The following RALYL variants were observed in gnomAD, a reference collection of about 807,000 sequenced individuals.
RALYL encodes the protein RALY RNA binding protein like.
Under a neutral mutation model 35.1 loss-of-function variants are expected in RALYL, and 29 were observed. That is an observed-to-expected ratio of 0.83 (90% confidence interval 0.61 to 1.13). RALYL has a LOEUF of 1.13. Ranked by LOEUF, RALYL falls within the 50% of genes most tolerant of loss-of-function variation. The pLI, the probability that RALYL is intolerant of heterozygous loss-of-function variation, is 0.00. For missense variants in RALYL, 359 were observed against 360.4 expected (o/e 1.00, Z 0.03); for synonymous variants, 120 against 127.6 (o/e 0.94, Z 0.40).
intron 1 of RALYL, among the ~76,000 whole-genome samples, chr8:84,245,528 T>C (rs1828891252): frequency 6.6e-6 from 1 of 152,118 alleles, no homozygotes. Flanking sequence ...AGAAAATGCT[T>C]GAAAGGAGCA....
At chr8:84,245,136 A>G (rs1828806692) in intron 1 of RALYL, among the ~76,000 whole-genome samples, 1 of 152,184 alleles carries the variant, frequency 6.6e-6, no homozygotes, top group South Asian at 2.1e-4. Flanking sequence ...TGAACTTTGC[A>G]CTGAAGGGCA....
chr8:84,688,992 A>G (rs1837429776), intron 2 of RALYL, among the ~76,000 whole-genome samples: 1 of 152,158 alleles, frequency 6.6e-6, no homozygotes, highest in African/African-American at 2.4e-5. Flanking sequence ...CTATCAGGAA[A>G]ATGCAAATCC....
At chr8:84,823,832 A>T (rs1451772879) in intron 4 of RALYL, among the ~76,000 whole-genome samples, 1 of 151,918 alleles carries the variant, frequency 6.6e-6, no homozygotes, top group Non-Finnish European at 1.5e-5. Context: ...TTCATTTAAA[A>T]AATGCATGCC....
At chr8:84,535,753 G>T (rs1248784684) in intron 2 of RALYL, among the ~76,000 whole-genome samples, 1 of 151,764 alleles carries the variant, frequency 6.6e-6, no homozygotes, top group Non-Finnish European at 1.5e-5. Flanking sequence ...GATTACAGGC[G>T]TGAGCCACCG....
intron 4 of RALYL, among the ~76,000 whole-genome samples, chr8:84,806,628 C>A (rs1824679008): frequency 6.6e-6 from 1 of 151,236 alleles, no homozygotes; most frequent in African/African-American, 2.4e-5. Flanking sequence ...TAGCATGGCA[C>A]ACATAAGATA....
rs192182114 is a variant in RALYL, at chr8:84,500,314, A to G, written c.-23-28985A>G. ...CTGATAATCAAGGCTGAATAACATA[A>G]CATCTACAATCAGTATGTAATCAAA... On this transcript the variant is annotated intron_variant, in intron 1 of 8. Transcript: ENST00000521268. Among the ~76,000 whole-genome samples, 3 of 152,256 alleles carry G rather than the reference A, an allele frequency of 2.0e-5. No homozygotes were observed. The East Asian group carries it at 5.8e-4, about 29-fold the overall frequency.
chr8:84,285,010 G>T (rs2132131858), intron 1 of RALYL, among the ~76,000 whole-genome samples: 1 of 152,206 alleles, frequency 6.6e-6, no homozygotes, highest in Non-Finnish European at 1.5e-5. Flanking sequence ...GAAAAGGAGG[G>T]GTGAGTTGAA....
At chr8:84,645,230 TC>T (rs1291832956) in intron 2 of RALYL, among the ~76,000 whole-genome samples, 1 of 151,940 alleles carries the variant, frequency 6.6e-6, no homozygotes, top group Non-Finnish European at 1.5e-5. Context: ...TACTGTGTTT[TC>T]CCCCCACTAT....
At chr8:84,805,146 C>A (rs779323569) in intron 4 of RALYL, among the ~76,000 whole-genome samples, 1 of 152,174 alleles carries the variant, frequency 6.6e-6, no homozygotes, top group Non-Finnish European at 1.5e-5. Context: ...CCTGTCTACC[C>A]ATTGCCATTC....
intron 1 of RALYL, among the ~76,000 whole-genome samples, chr8:84,482,124 A>T (rs2054109618): frequency 6.6e-6 from 1 of 152,128 alleles, no homozygotes; most frequent in Non-Finnish European, 1.5e-5. Context: ...TAATATGCTT[A>T]CACTTTTAGT....
rs550850379 is a variant in RALYL, at chr8:84,555,623, T to G, written c.256+26046T>G. On this transcript the variant is annotated intron_variant, in intron 2 of 8. Coordinates refer to ENST00000521268, the MANE Select transcript of RALYL (RefSeq NM_173848.7). ...ATAAATAAAAGTAATGTGAATGTTC[T>G]GTTTTGACATTTTAATTTAATAATA... is the stretch of plus-strand genomic sequence containing the variant. Among the ~76,000 whole-genome samples, 21 of 152,352 alleles carry G rather than the reference T, an allele frequency of 1.4e-4. No individual in the cohort carries two copies. In the South Asian group the frequency reaches 4.1e-3, roughly 30 times the overall value.
At chr8:84,538,594 A>T (rs181785267) in intron 2 of RALYL, among the ~76,000 whole-genome samples, 131 of 152,322 alleles carry the variant, frequency 8.6e-4, no homozygotes, top group Admixed American at 1.6e-3. Flanking sequence ...CATAAAATAT[A>T]AAGTAAAATA....
intron 1 of RALYL, among the ~76,000 whole-genome samples, chr8:84,410,089 A>G (rs73304338): frequency 0.03 from 4,486 of 152,064 alleles, 216 homozygotes; most frequent in African/African-American, 0.1. Flanking sequence ...AAATTCTCAC[A>G]GTATTCTTTT....
intron 2 of RALYL, among the ~76,000 whole-genome samples, chr8:84,569,571 G>A (rs1043308061): frequency 6.6e-6 from 1 of 151,696 alleles, no homozygotes; most frequent in Non-Finnish European, 1.5e-5. Context: ...CTTTTTCTGT[G>A]CAGACACTTT....
intron 2 of RALYL, among the ~76,000 whole-genome samples, chr8:84,643,703 G>T (rs957817717): frequency 1.3e-5 from 2 of 152,010 alleles, no homozygotes; most frequent in African/African-American, 4.8e-5. Context: ...CAAGAGTGAG[G>T]TATAATAAAA....
chr8:84,244,054 C>A (rs1359276751), intron 1 of RALYL, among the ~76,000 whole-genome samples: 2 of 151,786 alleles, frequency 1.3e-5, no homozygotes, highest in Non-Finnish European at 2.9e-5. Context: ...TCTTTACTAC[C>A]ATTTAGTGGC....
At chr8:84,503,320 A>ATTTTTTTT (rs551446229) in intron 1 of RALYL, among the ~76,000 whole-genome samples, 2 of 135,070 alleles carry the variant, frequency 1.5e-5, no homozygotes, top group Non-Finnish European at 3.2e-5. Context: ...TGCCTGGCTA[A>ATTTTTTTT]TTTTTTTTTT....
chr8:84,203,548 T>A (rs1429066252), intron 1 of RALYL, among the ~76,000 whole-genome samples: 1 of 152,184 alleles, frequency 6.6e-6, no homozygotes, highest in Admixed American at 6.5e-5. Flanking sequence ...ACAACAATTT[T>A]ACAGAATAAT....
chr8:84,558,966 T>G (rs561516179), intron 2 of RALYL, among the ~76,000 whole-genome samples: 1 of 152,080 alleles, frequency 6.6e-6, no homozygotes, highest in Admixed American at 6.6e-5. Context: ...ACAAATAATA[T>G]AGTAAAATCT....
Sources: gnomAD v4.1 joint callset for allele counts (sites outside exome capture counted in the v4.1 genomes callset) on GRCh38, gnomAD v4.1.1 for gene constraint, MANE v1.5 for transcripts, NCBI Gene and HGNC (gene_info 2026-07-23, HGNC 2026-07-21) for gene names.